Variants in HAPSTR1 observed in about 807,000 individuals in gnomAD.
The protein encoded by HAPSTR1 is HUWE1-associated protein modifying stress responses 1.
the HAPSTR1 span, chr16:9,116,919 A>C: frequency 1.1e-5 from 17 of 1,612,740 alleles, no homozygotes; most frequent in Admixed American, 1.7e-5. Flanking sequence ...CTAAACTGCA[A>C]ACATTTTCAC....
the HAPSTR1 span, among the ~76,000 whole-genome samples, chr16:9,092,682 C>T: frequency 6.6e-6 from 1 of 152,124 alleles, no homozygotes; most frequent in Non-Finnish European, 1.5e-5. Context: ...CGCCGCGGCT[C>T]GTCCCTGATC....
the HAPSTR1 span, chr16:9,120,876 A>G: frequency 2.0e-5 from 3 of 151,924 alleles, no homozygotes; most frequent in African/African-American, 7.3e-5. Flanking sequence ...CGGGGTTTCA[A>G]ATATGGTGAA....
the HAPSTR1 span, chr16:9,092,333 C>G: frequency 1.9e-5 from 24 of 1,292,770 alleles, no homozygotes; most frequent in South Asian, 5.4e-4. Flanking sequence ...GGCCCCGGCC[C>G]TATCGGCTCA....
the HAPSTR1 span, chr16:9,107,260 G>A: frequency 1.9e-3 from 296 of 152,344 alleles, no homozygotes; most frequent in African/African-American, 6.8e-3. Context: ...CTATATGGCA[G>A]ATTCGGTGCT....
chr16:9,092,346 G>A, the HAPSTR1 span: 3 of 1,214,956 alleles, frequency 2.5e-6, no homozygotes, highest in Admixed American at 4.3e-5. Flanking sequence ...TCGGCTCAGC[G>A]GCCGCTTCGG....
At chr16:9,116,792 T>G in the HAPSTR1 span, 3 of 1,614,048 alleles carry the variant, frequency 1.9e-6, no homozygotes, top group African/African-American at 2.7e-5. Flanking sequence ...ATTTGAACAC[T>G]TTCATATCAG....
the HAPSTR1 span, chr16:9,112,241 G>T: frequency 1.3e-5 from 2 of 152,186 alleles, no homozygotes; most frequent in Non-Finnish European, 2.9e-5. Flanking sequence ...TGGCACCTCA[G>T]AACACAACTT....
chr16:9,120,609 C>G, the HAPSTR1 span: 3 of 149,148 alleles, frequency 2.0e-5, no homozygotes, highest in African/African-American at 7.4e-5. Flanking sequence ...CAGCAAAAAT[C>G]AAGCCACACA....
the HAPSTR1 span, chr16:9,118,510 A>G: frequency 6.6e-6 from 1 of 152,666 alleles, no homozygotes; most frequent in African/African-American, 2.4e-5. Flanking sequence ...TATTCATTAT[A>G]GATGTAGCCC....
the HAPSTR1 span, chr16:9,092,866 C>T: frequency 1.7e-5 from 25 of 1,454,970 alleles, no homozygotes; most frequent in Non-Finnish European, 2.0e-5. Flanking sequence ...CTTTCTCTTT[C>T]TATGTGTGTT....
the HAPSTR1 span, among the ~76,000 whole-genome samples, chr16:9,097,837 G>T: frequency 1.3e-5 from 2 of 152,218 alleles, no homozygotes; most frequent in South Asian, 2.1e-4. Flanking sequence ...CCATAACGGG[G>T]TCACTTGCTT....
chr16:9,113,457 T>G, the HAPSTR1 span, among the ~76,000 whole-genome samples: 60 of 152,326 alleles, frequency 3.9e-4, no homozygotes, highest in African/African-American at 1.4e-3. Context: ...AAGGAACATT[T>G]GCTTGAAATC....
the HAPSTR1 span, chr16:9,091,708 C>T: frequency 2.5e-6 from 1 of 399,630 alleles, no homozygotes; most frequent in Non-Finnish European, 4.4e-6. Flanking sequence ...CGATCAGCGG[C>T]GGCGGCGGCA....
At chr16:9,093,385 C>T in the HAPSTR1 span, among the ~76,000 whole-genome samples, 1 of 152,148 alleles carries the variant, frequency 6.6e-6, no homozygotes, top group African/African-American at 2.4e-5. Flanking sequence ...AGCTGGAAGA[C>T]GGCTGAGCCT....
chr16:9,097,833 C>T, the HAPSTR1 span, among the ~76,000 whole-genome samples: 2 of 152,202 alleles, frequency 1.3e-5, no homozygotes, highest in African/African-American at 2.4e-5. Flanking sequence ...TTGGCCATAA[C>T]GGGGTCACTT....
chr16:9,115,467 A>T, the HAPSTR1 span, among the ~76,000 whole-genome samples: 1 of 152,166 alleles, frequency 6.6e-6, no homozygotes, highest in Non-Finnish European at 1.5e-5. Context: ...TAAAAATGCA[A>T]CACTGTGTTT....
At chr16:9,115,005 T>C in the HAPSTR1 span, among the ~76,000 whole-genome samples, 1 of 152,156 alleles carries the variant, frequency 6.6e-6, no homozygotes, top group South Asian at 2.1e-4. Context: ...GGGGAGGATG[T>C]GTCTTCTGCA....
the HAPSTR1 span, among the ~76,000 whole-genome samples, chr16:9,094,408 ATAATACT>A: frequency 6.6e-6 from 1 of 152,204 alleles, no homozygotes; most frequent in East Asian, 1.9e-4. Context: ...GAATTTTGAA[ATAATACT>A]TAATTAAAAA....
At chr16:9,093,064 C>A in the HAPSTR1 span, 13 of 1,475,424 alleles carry the variant, frequency 8.8e-6, no homozygotes, top group Non-Finnish European at 1.2e-5. Flanking sequence ...GGTGTCTGCC[C>A]TGCGTTCCAA....
Sources: allele counts gnomAD v4.1 joint callset (sites outside exome capture counted in the v4.1 genomes callset), GRCh38; gene constraint gnomAD v4.1.1; transcripts MANE v1.5; gene names NCBI Gene and HGNC (gene_info 2026-07-23, HGNC 2026-07-21).